PSD3: variants seen among roughly 807,000 people sequenced by gnomAD.
PSD3 encodes the protein pleckstrin and Sec7 domain containing 3, also known as PH and SEC7 domain-containing protein 3.
A neutral mutation model predicts 105.5 loss-of-function variants in PSD3; 49 were observed. The ratio of observed to expected loss-of-function variants is 0.46; its 90% CI spans 0.37 to 0.59. PSD3 has a LOEUF of 0.59. PSD3 is among the 20% of genes least tolerant of loss of function. PSD3 has a pLI of 0.00. For synonymous variants in PSD3, 557 were observed against 457.8 expected (o/e 1.22, Z -2.77); for missense variants, 1,561 against 1,263.8 (o/e 1.24, Z -3.57).
intron 1 of PSD3, among the ~76,000 whole-genome samples, chr8:19,070,312 A>C (rs533343967): frequency 1.2e-4 from 18 of 152,002 alleles, no homozygotes; most frequent in African/African-American, 4.3e-4. Flanking sequence ...CACTTTCAAA[A>C]TATACATATT....
intron 9 of PSD3, among the ~76,000 whole-genome samples, chr8:18,689,966 G>T (rs1371647861): frequency 6.6e-6 from 1 of 152,116 alleles, no homozygotes; most frequent in Non-Finnish European, 1.5e-5. Flanking sequence ...TGAGACTTGG[G>T]CCCAGGTTTC....
intron 9 of PSD3, among the ~76,000 whole-genome samples, chr8:18,719,588 C>A (rs1802821103): frequency 6.6e-6 from 1 of 152,154 alleles, no homozygotes; most frequent in Non-Finnish European, 1.5e-5. Flanking sequence ...TACTCATTTA[C>A]TCGTTTAGCT....
At chr8:18,651,807 G>A (rs1490754773) in intron 10 of PSD3, among the ~76,000 whole-genome samples, 1 of 152,144 alleles carries the variant, frequency 6.6e-6, no homozygotes, top group Admixed American at 6.5e-5. Context: ...AATGATTATG[G>A]GATACAGGTT....
intron 4 of PSD3, among the ~76,000 whole-genome samples, chr8:18,865,438 A>C (rs1306886867): frequency 6.6e-6 from 1 of 151,544 alleles, no homozygotes; most frequent in East Asian, 1.9e-4. Flanking sequence ...AAAGAAAAAT[A>C]TGGGTTTTTC....
At chr8:18,677,851 A>G (rs1212443257) in intron 9 of PSD3, among the ~76,000 whole-genome samples, 1 of 152,082 alleles carries the variant, frequency 6.6e-6, no homozygotes, top group African/African-American at 2.4e-5. Context: ...TCTACTAAAA[A>G]TACAAAAAAT....
At chr8:19,057,757 T>A (rs1428383790) in intron 1 of PSD3, among the ~76,000 whole-genome samples, 1 of 152,164 alleles carries the variant, frequency 6.6e-6, no homozygotes, top group Non-Finnish European at 1.5e-5. Flanking sequence ...ACTACACATT[T>A]ATTAGAATGG....
chr8:18,664,911 C>T (rs1354087756), intron 9 of PSD3, among the ~76,000 whole-genome samples: 1 of 152,196 alleles, frequency 6.6e-6, no homozygotes, highest in Non-Finnish European at 1.5e-5. Flanking sequence ...TATCTGTTGA[C>T]AGGATGGTTT....
At chr8:18,685,373 G>C (rs1032840136) in intron 9 of PSD3, among the ~76,000 whole-genome samples, 2 of 151,738 alleles carry the variant, frequency 1.3e-5, no homozygotes, top group Admixed American at 1.3e-4. Flanking sequence ...CTTGGGTTTT[G>C]TTGCATCCTC....
intron 9 of PSD3, among the ~76,000 whole-genome samples, chr8:18,670,977 G>A (rs1799752762): frequency 6.6e-6 from 1 of 152,152 alleles, no homozygotes; most frequent in African/African-American, 2.4e-5. Flanking sequence ...TAGATTTTAT[G>A]CTCCTTGCAG....
chr8:18,726,978 G>A (rs1028088381), intron 9 of PSD3, among the ~76,000 whole-genome samples: 1 of 152,146 alleles, frequency 6.6e-6, no homozygotes, highest in African/African-American at 2.4e-5. Flanking sequence ...AGGATCACCT[G>A]AAGTCAGGAG....
At chr8:18,590,395 T>C (rs1803511798) in intron 12 of PSD3, among the ~76,000 whole-genome samples, 1 of 151,818 alleles carries the variant, frequency 6.6e-6, no homozygotes, top group South Asian at 2.1e-4. Context: ...GTGTAAAGAG[T>C]GGAAGGACAT....
At chr8:18,789,347 T>C (rs565185971) in intron 8 of PSD3, among the ~76,000 whole-genome samples, 1 of 152,358 alleles carries the variant, frequency 6.6e-6, no homozygotes. Context: ...AGCCATCTTT[T>C]ACTAAGCCAA....
intron 2 of PSD3, among the ~76,000 whole-genome samples, chr8:18,876,029 C>T (rs1177706808): frequency 1.3e-5 from 2 of 152,206 alleles, no homozygotes; most frequent in Non-Finnish European, 2.9e-5. Context: ...TTTCACCTGG[C>T]ACAAGGTTGT....
chr8:19,023,074 C>T (rs1035510110), intron 1 of PSD3, among the ~76,000 whole-genome samples: 2 of 152,122 alleles, frequency 1.3e-5, no homozygotes, highest in African/African-American at 4.8e-5. Context: ...AGTTAATCAC[C>T]TCCATCATAG....
intron 1 of PSD3, among the ~76,000 whole-genome samples, chr8:18,936,713 G>A (rs931023358): frequency 6.0e-5 from 9 of 150,918 alleles, no homozygotes; most frequent in Non-Finnish European, 1.3e-4. Flanking sequence ...AGCCAAGATC[G>A]TGCCACTGCA....
At chr8:18,848,043 C>T (rs1345527087) in intron 4 of PSD3, among the ~76,000 whole-genome samples, 1 of 151,926 alleles carries the variant, frequency 6.6e-6, no homozygotes, top group African/African-American at 2.4e-5. Flanking sequence ...GGAAGGAACA[C>T]GTGTCATCAA....
chr8:18,786,187 C>G (rs1186409429), intron 8 of PSD3, among the ~76,000 whole-genome samples: 1 of 152,040 alleles, frequency 6.6e-6, no homozygotes, highest in African/African-American at 2.4e-5. Flanking sequence ...CTGGGTGACA[C>G]AGCGAGACTC....
At chr8:18,563,216 AC>A (rs1801509557) in intron 14 of PSD3, among the ~76,000 whole-genome samples, 1 of 152,196 alleles carries the variant, frequency 6.6e-6, no homozygotes, top group African/African-American at 2.4e-5. Context: ...CCTAACATGA[AC>A]AAATACCTTA....
chr8:18,797,438 A>C (rs999286610), intron 8 of PSD3, among the ~76,000 whole-genome samples: 4 of 152,162 alleles, frequency 2.6e-5, no homozygotes, highest in African/African-American at 4.8e-5. Flanking sequence ...TGCCAAGAAG[A>C]AGCAGGATGC....
Sources: allele counts gnomAD v4.1 joint callset (sites outside exome capture counted in the v4.1 genomes callset), GRCh38; gene constraint gnomAD v4.1.1; transcripts MANE v1.5; gene names NCBI Gene and HGNC (gene_info 2026-07-23, HGNC 2026-07-21).